The following ANKRD42 variants were observed in gnomAD, a reference collection of about 807,000 sequenced individuals.
ANKRD42 encodes ankyrin repeat domain-containing protein 42.
Under a neutral mutation model 51.5 loss-of-function variants are expected in ANKRD42, and 43 were observed. That is an observed-to-expected ratio of 0.83 (90% CI 0.65 to 1.08). ANKRD42 has a LOEUF of 1.08. Ranked by LOEUF, ANKRD42 falls within the 50% of genes least tolerant of loss-of-function variation. The pLI is 0.00. For synonymous variants in ANKRD42, 203 were observed against 213.0 expected (o/e 0.95, Z 0.41); for missense variants, 608 against 629.3 (o/e 0.97, Z 0.36).
At chr11:83,249,910 G>A (rs1032160708), downstream of ANKRD42, among the ~76,000 whole-genome samples, 1 of 152,120 alleles carries the variant, frequency 6.6e-6, no homozygotes, top group Non-Finnish European at 1.5e-5. Flanking sequence ...ATATTGTGTA[G>A]AAATCCTGAA....
At chr11:83,258,918 G>C (rs1863822001), downstream of ANKRD42, among the ~76,000 whole-genome samples, 1 of 122,450 alleles carries the variant, frequency 8.2e-6, no homozygotes, top group Non-Finnish European at 1.8e-5. Context: ...AGGCAGGTTA[G>C]GATCTACACT....
downstream of ANKRD42, among the ~76,000 whole-genome samples, chr11:83,251,887 GA>G (rs1863681325): frequency 6.6e-6 from 1 of 152,032 alleles, no homozygotes; most frequent in African/African-American, 2.4e-5. Context: ...CTTGGGGTAG[GA>G]AAAAAATGTG....
rs557363182 is a variant in ANKRD42, at chr11:83,207,133, T to G, written c.330+968T>G. Among the ~76,000 whole-genome samples the G allele has an allele frequency of 9.6e-4, 146 of 152,262 alleles. 2 individuals carry two copies. The highest frequency in any genetic ancestry group is 3.4e-3 in the Middle Eastern group (1 of 294). On this transcript the variant is annotated intron_variant, in intron 3 of 10. Transcript: ENST00000533342. ...TCACAGGATGGCAGGAAGAGAGAAG[T>G]GCTGAGCAAAGGGGGAAAGCTTCTT... is the stretch of plus-strand genomic sequence containing the variant.
chr11:83,212,804 C>G (rs1001506115), intron 5 of ANKRD42: 16 of 1,485,248 alleles, frequency 1.1e-5, no homozygotes, highest in Non-Finnish European at 1.3e-5. Context: ...GGTCGTCTTT[C>G]AGTGTTCATT....
intron 1 of ANKRD42, 83 bp downstream of exon 1, chr11:83,194,811 A>G: frequency 7.1e-7 from 1 of 1,416,164 alleles, no homozygotes; most frequent in Non-Finnish European, 9.5e-7. Context: ...CCTTTCTGGC[A>G]TTTCCTTTTC....
chr11:83,219,911 A>G (rs1862663844), intron 5 of ANKRD42, among the ~76,000 whole-genome samples: 1 of 152,234 alleles, frequency 6.6e-6, no homozygotes, highest in Non-Finnish European at 1.5e-5. Context: ...GGCACCATGA[A>G]CAGGGATCTT....
rs1183250200 is a variant in ANKRD42, at chr11:83,194,687, A to G, written c.17A>G (p.Asn6Ser). The change falls in exon 1 of 11, where the codon AAT (asparagine) becomes AGT (serine). Residue 6 changes from asparagine (N) to serine (S), a missense_variant. By Grantham distance (46) the Asn-to-Ser change is conservative. Coordinates refer to ENST00000533342, the MANE Select transcript of ANKRD42 (RefSeq NM_001300975.2). Reference sequence around the variant, plus strand: ...TGTTGCGCCATGCCCGGGGTGGCCAATTCAGGCCCCTCCACTTCCTCTAGG... The same window carrying G: ...TGTTGCGCCATGCCCGGGGTGGCCAGTTCAGGCCCCTCCACTTCCTCTAGG... MPGVA[N>S]SGPSTSSRET... The G allele has an allele frequency of 5.0e-6, 8 of 1,613,244 alleles. No individual in the cohort carries two copies. The highest frequency in any genetic ancestry group is 2.7e-5 in the African/African-American group (2 of 74,876).
chr11:83,228,045 A>T (rs1208500495), intron 7 of ANKRD42, among the ~76,000 whole-genome samples, 173 bp downstream of exon 7: 1 of 152,056 alleles, frequency 6.6e-6, no homozygotes, highest in East Asian at 1.9e-4. Flanking sequence ...TTCAAGTGTA[A>T]TGTTTCTTTT....
intron 5 of ANKRD42, chr11:83,213,550 T>C: frequency 2.0e-5 from 25 of 1,260,926 alleles, no homozygotes; most frequent in Non-Finnish European, 2.4e-5. Context: ...TATGGTATTA[T>C]TAGTTTTTTT....
intron 11 of ANKRD42, among the ~76,000 whole-genome samples, chr11:83,254,423 CTTTTTTCTTTTCTTT>C (rs1217823405): frequency 7.5e-6 from 1 of 132,460 alleles, no homozygotes; most frequent in Non-Finnish European, 1.6e-5. Flanking sequence ...GAGTGTTTTT[CTTTTTTCTTTTCTTT>C]TTTTTTTTTT....
intron 3 of ANKRD42, among the ~76,000 whole-genome samples, chr11:83,207,669 G>A (rs7112475): frequency 0.021 from 3,218 of 152,288 alleles, 120 homozygotes; most frequent in African/African-American, 0.07. Flanking sequence ...AAACAGTTCT[G>A]TGAGTTCCCT....
rs1175339796 is a variant in ANKRD42 at position 83,210,292 on chromosome 11, A to G, written c.331-8A>G. The G allele has an allele frequency of 1.1e-5, 17 of 1,612,686 alleles. No homozygotes were observed. The highest frequency in any genetic ancestry group is 3.3e-5 in the South Asian group (3 of 91,054). ...CATGTAAAGTCTTTCCTATTTCTCTATTTTTAGGCTCTTATAATGAATGGA... is the reference window on the plus strand; with the variant it reads ...CATGTAAAGTCTTTCCTATTTCTCTGTTTTTAGGCTCTTATAATGAATGGA... On this transcript the variant is annotated splice_region_variant and splice_polypyrimidine_tract_variant and intron_variant, in intron 3 of 10. Coordinates refer to ENST00000533342, the MANE Select transcript of ANKRD42 (RefSeq NM_001300975.2).
chr11:83,259,151 G>C (rs1863827994), downstream of ANKRD42: 1 of 152,162 alleles, frequency 6.6e-6, no homozygotes, highest in African/African-American at 2.4e-5. Context: ...CATGTGTCTA[G>C]AGGCCTTCTG....
rs1309698801 is a variant in ANKRD42, at chr11:83,193,865, G to A, written c.-806G>A. ...GACGAAGACGGTGGCCGCCGCACTA[G>A]CCACCACGTGTGGAGGATAAACGGT... On this transcript the variant is annotated 5_prime_UTR_variant, in exon 1 of 11. Transcript: ENST00000533342. 2 of 454,974 alleles carry A rather than the reference G, an allele frequency of 4.4e-6. No homozygotes were observed. The highest frequency in any genetic ancestry group is 2.0e-5 in the African/African-American group (1 of 49,990). 28.2% of individuals were successfully genotyped at this position (454,974 alleles called of 1,614,324 possible).
At chr11:83,251,612 T>C (rs1247889926), downstream of ANKRD42, among the ~76,000 whole-genome samples, 3 of 152,232 alleles carry the variant, frequency 2.0e-5, no homozygotes. Flanking sequence ...TTGTTACTGC[T>C]ATTATAAACC....
rs1420384512 is a variant in ANKRD42, at chr11:83,248,903, C to T, written c.*699C>T. 8.1e-6 allele frequency: 8 copies of T among 982,636 alleles called. No homozygotes were observed. The highest frequency in any genetic ancestry group is 9.7e-6 in the Non-Finnish European group (8 of 827,510). 60.9% of individuals were successfully genotyped at this position (982,636 alleles called of 1,614,324 possible). On this transcript the variant is annotated 3_prime_UTR_variant, in exon 11 of 11. Transcript: ENST00000533342. Reference sequence around the variant, plus strand: ...GCATATGCAAATATAACCACTTCCTCAGTTTCTCTGGGTTTTGGTGTCTCA... The same window carrying T: ...GCATATGCAAATATAACCACTTCCTTAGTTTCTCTGGGTTTTGGTGTCTCA...
intron 8 of ANKRD42, among the ~76,000 whole-genome samples, chr11:83,238,783 T>G (rs2135547892): frequency 6.6e-6 from 1 of 151,762 alleles, no homozygotes. Flanking sequence ...TGAGCCGAGA[T>G]TGTACCATTG....
chr11:83,205,477 A>T (rs547900524), intron 2 of ANKRD42, among the ~76,000 whole-genome samples: 55 of 152,352 alleles, frequency 3.6e-4, no homozygotes, highest in African/African-American at 1.3e-3. Flanking sequence ...GAACATATAA[A>T]GACAGTAACA....
intron 7 of ANKRD42, among the ~76,000 whole-genome samples, chr11:83,231,325 C>T (rs758480026): frequency 2.0e-5 from 3 of 152,124 alleles, no homozygotes; most frequent in African/African-American, 4.8e-5. Flanking sequence ...TGTTGAGTGC[C>T]TTTTCATATA....
Sources: allele counts gnomAD v4.1 joint callset (sites outside exome capture counted in the v4.1 genomes callset), GRCh38; gene constraint gnomAD v4.1.1; transcripts MANE v1.5; gene names NCBI Gene and HGNC (gene_info 2026-07-23, HGNC 2026-07-21).